Variants in TMPRSS4 observed in about 807,000 individuals in gnomAD.
TMPRSS4 encodes transmembrane protease serine 4.
In TMPRSS4, 45 loss-of-function variants were observed where a neutral mutation model predicts 56.4. The observed-to-expected ratio is 0.80, with a 90% CI of 0.63 to 1.02. TMPRSS4 has a LOEUF of 1.02. Among genes scored for constraint, TMPRSS4 ranks in the 50% least tolerant of loss-of-function variants. The pLI, the probability that TMPRSS4 is intolerant of heterozygous loss-of-function variation, is 0.00. For missense variants in TMPRSS4, 546 were observed against 556.7 expected, an observed-to-expected ratio of 0.98 and a Z score of 0.19; for synonymous variants, 205 against 211.0, an observed-to-expected ratio of 0.97 and a Z score of 0.25.
At chr11:118,084,734 A>G (rs973881807) in intron 1 of TMPRSS4, among the ~76,000 whole-genome samples, 1 of 152,380 alleles carries the variant, frequency 6.6e-6, no homozygotes, top group East Asian at 1.9e-4. Flanking sequence ...CAAGCCAGGC[A>G]CATCACATGT....
downstream of TMPRSS4, among the ~76,000 whole-genome samples, chr11:118,124,059 T>C: frequency 6.6e-6 from 1 of 152,014 alleles, no homozygotes; most frequent in East Asian, 1.9e-4. Context: ...ACAGAAGTAT[T>C]TGGGGTAAAA....
In TMPRSS4 at chr11:118,103,097, C is replaced by T. The variant is rs571676032; in HGVS notation, c.158-4C>T. On this transcript the variant is annotated splice_region_variant and splice_polypyrimidine_tract_variant and intron_variant, in intron 3 of 12. Transcript: ENST00000437212. ...CTCTGCCTCTCCCTGCACTTGCCTT[C>T]CAGTCAAGGTGATTCTGGATAAATA... The T allele has an allele frequency of 1.1e-5, 17 of 1,614,034 alleles. No homozygotes were observed. In the South Asian group the frequency reaches 1.9e-4, roughly 18 times the overall value.
intron 2 of TMPRSS4, among the ~76,000 whole-genome samples, chr11:118,098,674 G>A (rs1232874283): frequency 2.0e-5 from 3 of 152,190 alleles, no homozygotes; most frequent in African/African-American, 4.8e-5. Context: ...TCGGGCAGGC[G>A]AGGGTCAGAC....
chr11:118,115,768 A>T, intron 11 of TMPRSS4, among the ~76,000 whole-genome samples: 1 of 152,206 alleles, frequency 6.6e-6, no homozygotes, highest in East Asian at 1.9e-4. Context: ...GGTTGCAGTA[A>T]GCTGAGATTG....
intron 1 of TMPRSS4, among the ~76,000 whole-genome samples, chr11:118,091,833 G>C (rs1019346234): frequency 6.6e-6 from 1 of 152,168 alleles, no homozygotes; most frequent in South Asian, 2.1e-4. Context: ...CTTGACTCTA[G>C]CTGCAACAAT....
rs1386248267 is a variant in TMPRSS4, at chr11:118,077,179, G to C, written c.-124G>C. On this transcript the variant is annotated 5_prime_UTR_variant, in exon 1 of 13. Coordinates refer to ENST00000437212, the MANE Select transcript of TMPRSS4 (RefSeq NM_019894.4). ...CCTGCACTCGGGCCTCCTCCAGCCA[G>C]TGCTGACCAGGGACTTCTGACCTGC... The C allele has an allele frequency of 3.4e-5, 44 of 1,306,956 alleles. 1 individual carries two copies. The South Asian group carries it at 5.8e-4, about 17-fold the overall frequency. 81.0% of individuals were successfully genotyped at this position (1,306,956 alleles called of 1,614,324 possible). A position where few individuals can be genotyped will look rare whatever the true frequency, so the allele number is the denominator to read the frequency against.
At position 118,117,983 on chromosome 11, in the gene TMPRSS4, TCAGACACAGAGCAAG is replaced by T; in HGVS notation, c.*71_*85del. ...CTGCCCACCTGGGGATCCCCCAAAG[TCAGACACAGAGCAAG>T]AGTCCCCTTGGGTACACCCCTCTGC... On this transcript the variant is annotated 3_prime_UTR_variant, in exon 13 of 13. Transcript: ENST00000437212. 2 of 1,611,316 alleles carry T rather than the reference TCAGACACAGAGCAAG, an allele frequency of 1.2e-6. No individual in the cohort carries two copies. The highest frequency in any genetic ancestry group is 1.7e-6 in the Non-Finnish European group (2 of 1,179,910).
intron 11 of TMPRSS4, 43 bp from the exon 12 acceptor site, chr11:118,117,262 C>G: frequency 1.2e-6 from 2 of 1,610,134 alleles, no homozygotes; most frequent in Non-Finnish European, 1.7e-6. Flanking sequence ...GCCCCCCCAC[C>G]TCACCTGCCC....
intron 11 of TMPRSS4, among the ~76,000 whole-genome samples, chr11:118,116,924 T>A (rs2135467203): frequency 6.6e-6 from 1 of 152,232 alleles, no homozygotes; most frequent in African/African-American, 2.4e-5. Context: ...TTGGCCAGGC[T>A]GGTCTTGAAC....
At chr11:118,091,064 G>A (rs1434496768) in intron 1 of TMPRSS4, among the ~76,000 whole-genome samples, 1 of 152,096 alleles carries the variant, frequency 6.6e-6, no homozygotes, top group Non-Finnish European at 1.5e-5. Flanking sequence ...GGAAAAGAAT[G>A]AATTGACAGG....
intron 2 of TMPRSS4, among the ~76,000 whole-genome samples, chr11:118,096,923 G>GAGA (rs1491244125): frequency 5.2e-5 from 1 of 19,096 alleles, no homozygotes; most frequent in Non-Finnish European, 1.3e-4. Context: ...GAGAGAGAAA[G>GAGA]GAAAGAAAGA....
downstream of TMPRSS4, among the ~76,000 whole-genome samples, chr11:118,124,438 G>GA (rs993948339): frequency 8.6e-5 from 13 of 151,796 alleles, no homozygotes; most frequent in Non-Finnish European, 1.5e-4. Flanking sequence ...ACTTCAGGAG[G>GA]AAAAAAAACT....
At chr11:118,087,453 C>T (rs1471522877) in intron 1 of TMPRSS4, 5 of 152,210 alleles carry the variant, frequency 3.3e-5, no homozygotes, top group African/African-American at 1.2e-4. Context: ...GTTATTAACT[C>T]TTTCATCCCA....
chr11:118,093,824 C>G (rs997798274), intron 1 of TMPRSS4, among the ~76,000 whole-genome samples: 1 of 151,386 alleles, frequency 6.6e-6, no homozygotes, highest in African/African-American at 2.4e-5. Context: ...AACTGCCCCC[C>G]CCAATGGTAA....
intron 9 of TMPRSS4, 70 bp downstream of exon 9, chr11:118,113,505 A>C: frequency 3.2e-6 from 5 of 1,554,400 alleles, no homozygotes; most frequent in Non-Finnish European, 4.4e-6. Flanking sequence ...CTATTAGCTC[A>C]CTGACCGCCC....
chr11:118,109,150 C>G (rs2135432136), intron 7 of TMPRSS4, among the ~76,000 whole-genome samples: 1 of 152,264 alleles, frequency 6.6e-6, no homozygotes, highest in African/African-American at 2.4e-5. Context: ...TAAGTGGAGA[C>G]CTGGGAGAGA....
At position 118,103,234 on chromosome 11, in the gene TMPRSS4, C is replaced by T. The variant is rs779329685; in HGVS notation, c.291C>T (p.Pro97=). 2.0e-5 allele frequency: 33 copies of T among 1,613,734 alleles called. No homozygotes were observed. The highest frequency in any genetic ancestry group is 1.9e-4 in the South Asian group (17 of 91,046). ...AGGAGCACTGTGTCAAGAGCTTCCC[C>T]GAAGGGCCTGCAGTGGCAGGTGAGT... is the stretch of plus-strand genomic sequence containing the variant. ...EDEEHCVKSF[P]EGPAVAVRLS... is the part of the protein sequence containing the mutation. The change falls in exon 4 of 13, where the codon CCC becomes CCT. Residue 97 remains proline (P), a synonymous_variant. Coordinates refer to ENST00000437212, the MANE Select transcript of TMPRSS4 (RefSeq NM_019894.4).
intron 3 of TMPRSS4, among the ~76,000 whole-genome samples, chr11:118,101,261 G>A (rs1946713471): frequency 6.6e-6 from 1 of 152,112 alleles, no homozygotes; most frequent in Non-Finnish European, 1.5e-5. Context: ...CTGTTGTCAG[G>A]ATTACGTGAG....
intron 1 of TMPRSS4, among the ~76,000 whole-genome samples, chr11:118,084,103 G>A (rs1945361076): frequency 2.0e-5 from 3 of 152,234 alleles, no homozygotes; most frequent in African/African-American, 7.2e-5. Context: ...TATATGCTAT[G>A]CATATCTGGG....
Sources: allele counts gnomAD v4.1 joint callset (sites outside exome capture counted in the v4.1 genomes callset), GRCh38; gene constraint gnomAD v4.1.1; transcripts MANE v1.5; gene names NCBI Gene and HGNC (gene_info 2026-07-23, HGNC 2026-07-21).